EGF: variants seen among roughly 807,000 people sequenced by gnomAD.
The protein encoded by EGF is epidermal growth factor.
Under a neutral mutation model 143.8 loss-of-function variants are expected in EGF, and 95 were observed. The observed-to-expected ratio is 0.66, with a 90% CI of 0.56 to 0.78. The LOEUF (loss-of-function observed/expected upper bound fraction) is 0.78, where lower values mean the gene tolerates loss of function less well. Among genes scored for constraint, EGF ranks in the 30% least tolerant of loss-of-function variants. EGF has a pLI of 0.00. For synonymous variants in EGF, 510 were observed against 510.5 expected (o/e 1.00, Z 0.01); for missense variants, 1,320 against 1,470.9 (o/e 0.90, Z 1.68).
chr4:109,949,887 G>C (rs1189529555), intron 5 of EGF, among the ~76,000 whole-genome samples: 1 of 152,188 alleles, frequency 6.6e-6, no homozygotes, highest in Admixed American at 6.5e-5. Flanking sequence ...GTAGATTCAG[G>C]TTGTCTGGTT....
intron 1 of EGF, among the ~76,000 whole-genome samples, chr4:109,931,675 C>T (rs752243803): frequency 4.3e-4 from 65 of 152,146 alleles, no homozygotes; most frequent in Non-Finnish European, 6.8e-4. Context: ...AAGAAAAAAG[C>T]ATAGCCCTCA....
chr4:109,984,384 AT>A (rs1190573874), intron 16 of EGF, among the ~76,000 whole-genome samples: 1 of 152,220 alleles, frequency 6.6e-6, no homozygotes, highest in South Asian at 2.1e-4. Flanking sequence ...TATCAGTGTG[AT>A]TTTTTTATAA....
rs141580176 is a variant in EGF, at chr4:109,921,625, C to T, written c.127+8163C>T. Among the ~76,000 whole-genome samples, 401 of 151,620 alleles carry T rather than the reference C, an allele frequency of 2.6e-3. 18 individuals are homozygous for T. The highest frequency in any genetic ancestry group is 9.4e-3 in the African/African-American group (385 of 40,930). ...CCTTCCTCCATTCAGACTAACTTCC[C>T]AGGGTGCTATGGACCAGCTTTGTGT... On this transcript the variant is annotated intron_variant, in intron 1 of 23. Coordinates refer to ENST00000265171, the MANE Select transcript of EGF (RefSeq NM_001963.6).
At chr4:110,009,045 GCTT>G (rs1020092532) in intron 23 of EGF, among the ~76,000 whole-genome samples, 4 of 152,216 alleles carry the variant, frequency 2.6e-5, no homozygotes, top group African/African-American at 4.8e-5. Context: ...TCTTCAATGT[GCTT>G]ATTATCATAA....
intron 1 of EGF, among the ~76,000 whole-genome samples, chr4:109,917,476 T>A (rs570105707): frequency 6.6e-6 from 1 of 152,040 alleles, no homozygotes; most frequent in Non-Finnish European, 1.5e-5. Context: ...GTTGGAGGTT[T>A]TTTAGCTTTT....
At chr4:109,952,315 A>G (rs1487272127) in intron 5 of EGF, among the ~76,000 whole-genome samples, 1 of 152,232 alleles carries the variant, frequency 6.6e-6, no homozygotes, top group African/African-American at 2.4e-5. Flanking sequence ...CTTCAAAAGC[A>G]TATTCTTTGG....
chr4:109,958,848 G>A (rs1578258999), intron 5 of EGF, among the ~76,000 whole-genome samples: 1 of 150,154 alleles, frequency 6.7e-6, no homozygotes, highest in Non-Finnish European at 1.5e-5. Context: ...AACACAGAAG[G>A]CTGAGGTTGC....
intron 10 of EGF, among the ~76,000 whole-genome samples, chr4:109,968,205 CATTAT>C (rs1270785420): frequency 1.3e-5 from 2 of 152,148 alleles, no homozygotes; most frequent in Admixed American, 6.5e-5. Context: ...ACCGAAATGT[CATTAT>C]GTGGCATCTG....
chr4:109,957,668 G>A (rs1485323638), intron 5 of EGF, among the ~76,000 whole-genome samples: 1 of 152,202 alleles, frequency 6.6e-6, no homozygotes, highest in African/African-American at 2.4e-5. Context: ...ACAGTCTCAG[G>A]CCCTCTGCCT....
chr4:109,952,628 A>G lies in EGF; in HGVS notation c.941-6684A>G, dbSNP rs180984660. Among the ~76,000 whole-genome samples, 822 of 152,366 alleles carry G rather than the reference A, an allele frequency of 5.4e-3. 3 individuals carry two copies. The highest frequency in any genetic ancestry group is 0.031 in the Middle Eastern group (9 of 294). On this transcript the variant is annotated intron_variant, in intron 5 of 23. Transcript: ENST00000265171. The stretch of plus-strand genomic sequence containing the variant: ...ATAATTTTAAATTATTAGTTTAAAC[A>G]CATAAAATTCTGTTATTCTTCACGG...
At chr4:109,943,488 T>C (rs764873696) in intron 3 of EGF, 53 bp downstream of exon 3, 130 of 1,570,060 alleles carry the variant, frequency 8.3e-5, no homozygotes, top group Non-Finnish European at 1.0e-4. Flanking sequence ...CTAGTGAAGA[T>C]TGATAGAATT....
chr4:110,002,639 A>G (rs1445431619), intron 21 of EGF, among the ~76,000 whole-genome samples: 1 of 152,156 alleles, frequency 6.6e-6, no homozygotes, highest in Admixed American at 6.5e-5. Context: ...CACAAAGTAT[A>G]ACTTTGTTTT....
chr4:109,913,668 A>G (rs1413455753), intron 1 of EGF, among the ~76,000 whole-genome samples: 1 of 152,222 alleles, frequency 6.6e-6, no homozygotes. Context: ...ATAACTCTCA[A>G]ACTGTACTTC....
At chr4:109,968,206 A>G (rs1213865002) in intron 10 of EGF, among the ~76,000 whole-genome samples, 2 of 152,226 alleles carry the variant, frequency 1.3e-5, no homozygotes, top group Non-Finnish European at 2.9e-5. Context: ...CCGAAATGTC[A>G]TTATGTGGCA....
rs10530188 is a variant in EGF, at chr4:109,968,673, CATCT to C, written c.1576-264_1576-261del. On this transcript the variant is annotated intron_variant, in intron 10 of 23. Coordinates refer to ENST00000265171, the MANE Select transcript of EGF (RefSeq NM_001963.6). The stretch of plus-strand genomic sequence containing the variant: ...ATATATGTATATTTATATCTATATA[CATCT>C]ATCTATCTATCTATCTATCTATCTA... 137,425 of 350,472 alleles carry C rather than the reference CATCT, an allele frequency of 0.39. 26,370 individuals are homozygous for C. The highest frequency in any genetic ancestry group is 0.45 in the Non-Finnish European group (82,557 of 185,350). 21.7% of individuals were successfully genotyped at this position (350,472 alleles called of 1,614,324 possible).
chr4:109,947,751 T>C (rs1290014328), intron 5 of EGF, among the ~76,000 whole-genome samples: 1 of 152,212 alleles, frequency 6.6e-6, no homozygotes, highest in Non-Finnish European at 1.5e-5. Context: ...ATTAGAGATA[T>C]GTCTGCCATC....
intron 5 of EGF, among the ~76,000 whole-genome samples, chr4:109,958,205 T>C (rs1247397578): frequency 6.6e-6 from 1 of 152,218 alleles, no homozygotes; most frequent in African/African-American, 2.4e-5. Context: ...CATCACTTCA[T>C]TCCTGTGAAT....
intron 13 of EGF, among the ~76,000 whole-genome samples, chr4:109,979,568 G>T (rs897069102): frequency 2.0e-5 from 3 of 152,136 alleles, no homozygotes; most frequent in Admixed American, 1.3e-4. Flanking sequence ...CCTTATTACT[G>T]CTGCTCAAAA....
chr4:109,930,905 A>C (rs1382244544), intron 1 of EGF, among the ~76,000 whole-genome samples: 2 of 152,184 alleles, frequency 1.3e-5, no homozygotes, highest in African/African-American at 4.8e-5. Context: ...ATCCCCTACT[A>C]ATCCCTAGGT....
Sources: gnomAD v4.1 joint callset for allele counts (sites outside exome capture counted in the v4.1 genomes callset) on GRCh38, gnomAD v4.1.1 for gene constraint, MANE v1.5 for transcripts, NCBI Gene and HGNC (gene_info 2026-07-23, HGNC 2026-07-21) for gene names.